Variants in TSHZ3 observed in about 807,000 individuals in gnomAD.
TSHZ3 encodes teashirt zinc finger homeobox 3, also known as teashirt homolog 3.
A neutral mutation model predicts 64.5 loss-of-function variants in TSHZ3; 10 were observed. The observed-to-expected ratio is 0.16, with a 90% CI of 0.10 to 0.26. The LOEUF is 0.26. Ranked by LOEUF, TSHZ3 falls within the 10% of genes least tolerant of loss-of-function variation. The probability of loss-of-function intolerance (pLI) is 1.00; values close to 1 mark genes in which losing one functional copy is unlikely to be tolerated. For missense variants in TSHZ3, 1,242 were observed against 1,421.7 expected, an observed-to-expected ratio of 0.87 and a Z score of 2.03; for synonymous variants, 608 against 593.1, an observed-to-expected ratio of 1.03 and a Z score of -0.36.
intron 1 of TSHZ3, among the ~76,000 whole-genome samples, chr19:31,323,013 T>G (rs1916818213): frequency 6.6e-6 from 1 of 152,246 alleles, no homozygotes; most frequent in Non-Finnish European, 1.5e-5. Context: ...TCCTTTTATT[T>G]TCCCTTTATA....
chr19:31,344,463 T>C (rs1450796000), intron 1 of TSHZ3, among the ~76,000 whole-genome samples: 1 of 152,212 alleles, frequency 6.6e-6, no homozygotes, highest in East Asian at 1.9e-4. Flanking sequence ...GGGATGAAAA[T>C]GGGGCAGGAG....
At chr19:31,260,127 C>T (rs566883475) in intron 1 of TSHZ3, among the ~76,000 whole-genome samples, 1 of 152,314 alleles carries the variant, frequency 6.6e-6, no homozygotes, top group African/African-American at 2.4e-5. Context: ...GAGCCATCTC[C>T]AGGGCCCAGC....
intron 5 of TSHZ3, chr19:31,195,779 T>G (rs976115530): frequency 6.6e-6 from 1 of 152,066 alleles, no homozygotes; most frequent in Non-Finnish European, 1.5e-5. Context: ...TATTTGATTA[T>G]GTATGTGTTT....
intron 1 of TSHZ3, 166 bp downstream of exon 1, chr19:31,349,003 TCCGGGGGGCGC>T: frequency 1.3e-6 from 1 of 751,250 alleles, no homozygotes; most frequent in Non-Finnish European, 2.0e-6. Flanking sequence ...CGGCGGGGCG[TCCGGGGGGCGC>T]CCGGTACCCG....
chr19:31,272,071 A>T (rs887367554), downstream of TSHZ3, among the ~76,000 whole-genome samples: 38 of 152,220 alleles, frequency 2.5e-4, no homozygotes, highest in African/African-American at 7.7e-4. Flanking sequence ...GGATTTATTT[A>T]AAAAAATTTT....
intron 1 of TSHZ3, among the ~76,000 whole-genome samples, chr19:31,308,050 C>T (rs1278676829): frequency 1.3e-5 from 2 of 152,228 alleles, no homozygotes; most frequent in Non-Finnish European, 1.5e-5. Flanking sequence ...TGCTAGCTCT[C>T]ACGCAACTGT....
intron 1 of TSHZ3, among the ~76,000 whole-genome samples, chr19:31,308,973 C>T (rs775231074): frequency 1.4e-4 from 21 of 152,258 alleles, no homozygotes; most frequent in Non-Finnish European, 2.4e-4. Context: ...ACCAGCCTGC[C>T]GTCCTCCCCA....
intron 1 of TSHZ3, among the ~76,000 whole-genome samples, chr19:31,342,690 T>C (rs1185569467): frequency 6.6e-6 from 1 of 152,240 alleles, no homozygotes; most frequent in East Asian, 1.9e-4. Flanking sequence ...GTAAATGAAT[T>C]GGAGTCATTT....
chr19:31,163,374 G>T (rs113215312), intron 5 of TSHZ3, among the ~76,000 whole-genome samples: 3 of 152,210 alleles, frequency 2.0e-5, no homozygotes, highest in Non-Finnish European at 4.4e-5. Flanking sequence ...TTATTCTGTA[G>T]TGGAGAATAG....
At chr19:31,239,559 A>G (rs1975662649) in intron 3 of TSHZ3, among the ~76,000 whole-genome samples, 1 of 152,096 alleles carries the variant, frequency 6.6e-6, no homozygotes, top group African/African-American at 2.4e-5. Context: ...CTAAATTGAC[A>G]GGATTTTTTT....
At chr19:31,205,455 G>A (rs997045331) in intron 4 of TSHZ3, among the ~76,000 whole-genome samples, 4 of 152,160 alleles carry the variant, frequency 2.6e-5, no homozygotes, top group Non-Finnish European at 5.9e-5. Context: ...CTCCTGAAGG[G>A]CACTGAAATA....
In TSHZ3 at chr19:31,275,318, TAAA is replaced by T. The variant is rs1471709191; in HGVS notation, c.*1226_*1228del. The T allele has an allele frequency of 6.6e-6, 1 of 152,558 alleles. No homozygotes were observed. The highest frequency in any genetic ancestry group is 1.5e-5 in the Non-Finnish European group (1 of 68,038). 9.5% of individuals were successfully genotyped at this position (152,558 alleles called of 1,614,324 possible). The stretch of plus-strand genomic sequence containing the variant: ...ATGGAATAGCAACCAAGAGGGCTTA[TAAA>T]TAAGTGAAAGAGGTTGGATCACAGA... On this transcript the variant is annotated 3_prime_UTR_variant, in exon 2 of 2. Coordinates refer to ENST00000240587, the MANE Select transcript of TSHZ3 (RefSeq NM_020856.4).
At chr19:31,326,583 G>A (rs968881805) in intron 1 of TSHZ3, among the ~76,000 whole-genome samples, 1 of 152,248 alleles carries the variant, frequency 6.6e-6, no homozygotes, top group African/African-American at 2.4e-5. Flanking sequence ...AGTGAGGGTG[G>A]TGCTGACCTC....
At chr19:31,320,583 G>A (rs1004811018) in intron 1 of TSHZ3, among the ~76,000 whole-genome samples, 11 of 152,246 alleles carry the variant, frequency 7.2e-5, no homozygotes, top group East Asian at 3.9e-4. Context: ...TGTCCTTCTC[G>A]GGAGAAGGGA....
chr19:31,297,959 G>A (rs1599633470), intron 1 of TSHZ3, among the ~76,000 whole-genome samples: 1 of 152,184 alleles, frequency 6.6e-6, no homozygotes, highest in Non-Finnish European at 1.5e-5. Context: ...TCTGCAGAGA[G>A]ACCTGCTACT....
intron 1 of TSHZ3, among the ~76,000 whole-genome samples, chr19:31,309,221 C>T (rs1916385582): frequency 6.6e-6 from 1 of 152,190 alleles, no homozygotes; most frequent in African/African-American, 2.4e-5. Context: ...CTCAGTGCTG[C>T]CATTTACCCA....
downstream of TSHZ3, among the ~76,000 whole-genome samples, chr19:31,273,862 T>C (rs1385992906): frequency 2.0e-5 from 3 of 152,144 alleles, no homozygotes; most frequent in Non-Finnish European, 4.4e-5. Flanking sequence ...GGGAACCTGC[T>C]TTCTTCCCTG....
At chr19:31,289,985 CT>C (rs147439316) in intron 1 of TSHZ3, among the ~76,000 whole-genome samples, 10,714 of 152,270 alleles carry the variant, frequency 0.07, 447 homozygotes, top group Non-Finnish European at 0.1. Context: ...GCTGTGCCCC[CT>C]GGGTTATGCT....
chr19:31,165,408 CA>C (rs1251557491), intron 5 of TSHZ3, among the ~76,000 whole-genome samples: 3 of 152,098 alleles, frequency 2.0e-5, no homozygotes, highest in Non-Finnish European at 4.4e-5. Flanking sequence ...ACCTCTTTTG[CA>C]AAATTTTCTT....
Sources: allele counts gnomAD v4.1 joint callset (sites outside exome capture counted in the v4.1 genomes callset), GRCh38; gene constraint gnomAD v4.1.1; transcripts MANE v1.5; gene names NCBI Gene and HGNC (gene_info 2026-07-23, HGNC 2026-07-21).